The following PRKCB variants were observed in gnomAD, a reference collection of about 807,000 sequenced individuals.
The protein encoded by PRKCB is protein kinase C beta type.
A neutral mutation model predicts 81.5 loss-of-function variants in PRKCB; 13 were observed. The ratio of observed to expected loss-of-function variants is 0.16; its 90% CI spans 0.10 to 0.25. PRKCB has a LOEUF of 0.25. Ranked by LOEUF, PRKCB falls within the 10% of genes least tolerant of loss-of-function variation. The pLI is 1.00. For synonymous variants in PRKCB, 335 were observed against 321.4 expected (o/e 1.04, Z -0.45); for missense variants, 509 against 875.7 (o/e 0.58, Z 5.29).
chr16:24,096,971 C>CTTTCCT (rs1331495419), intron 7 of PRKCB, among the ~76,000 whole-genome samples: 1 of 149,750 alleles, frequency 6.7e-6, no homozygotes, highest in African/African-American at 2.5e-5. Flanking sequence ...ACACACACAT[C>CTTTCCT]TTTCCTTTCC....
intron 2 of PRKCB, among the ~76,000 whole-genome samples, chr16:23,886,466 G>A (rs1377013817): frequency 7.6e-6 from 1 of 132,352 alleles, no homozygotes. Flanking sequence ...AGGCTGGAGT[G>A]CAATGGCATG....
rs1402115039 is a variant in PRKCB, at chr16:24,219,814, C to A, written c.*4998C>A. ...ATACAATGTGAAATGAAAGCCAGTG[C>A]GTGGAGTGCAGCTGCTAAAAATTTT... On this transcript the variant is annotated 3_prime_UTR_variant, in exon 17 of 17. Transcript: ENST00000643927. 6 of 1,424,688 alleles carry A rather than the reference C, an allele frequency of 4.2e-6. No individual in the cohort carries two copies. The highest frequency in any genetic ancestry group is 4.6e-6 in the Non-Finnish European group (5 of 1,089,900). The allele number at this position is 1,424,688 out of a possible 1,614,324, so 88.3% of individuals were successfully genotyped here.
rs528162433 is a variant in PRKCB at position 24,052,085 on chromosome 16, A to G, written c.529+16538A>G. ...GCGAGACTCCGTCTCAAAAAAAAAA[A>G]AAAAGACATAAAATTAATAGACCTT... On this transcript the variant is annotated intron_variant, in intron 5 of 16. Coordinates refer to ENST00000643927, the MANE Select transcript of PRKCB (RefSeq NM_002738.7). 1.6e-3 allele frequency among the ~76,000 whole-genome samples: 251 copies of G among 152,268 alleles called. 4 individuals are homozygous for G. The highest frequency in any genetic ancestry group is 5.8e-3 in the African/African-American group (240 of 41,548).
chr16:24,021,585 C>T (rs563162038), intron 3 of PRKCB, among the ~76,000 whole-genome samples: 152 of 151,920 alleles, frequency 1.0e-3, no homozygotes, highest in Non-Finnish European at 1.9e-3. Context: ...CTATAACCCC[C>T]GTGTTAGGTG....
intron 3 of PRKCB, among the ~76,000 whole-genome samples, chr16:24,010,891 C>T (rs1965194512): frequency 6.6e-6 from 1 of 151,948 alleles, no homozygotes; most frequent in African/African-American, 2.4e-5. Flanking sequence ...CTTTTTGATA[C>T]AAGGTCTCAC....
At chr16:24,108,118 T>C (rs981608726) in intron 7 of PRKCB, among the ~76,000 whole-genome samples, 1 of 151,854 alleles carries the variant, frequency 6.6e-6, no homozygotes, top group African/African-American at 2.4e-5. Flanking sequence ...CACCATCTAC[T>C]TGCACGTGCA....
rs56671761 is a variant in PRKCB, at chr16:24,168,541, CTTTTTTTTT to C, written c.1240-3708_1240-3700del. 1.3e-3 allele frequency among the ~76,000 whole-genome samples: 100 copies of C among 76,394 alleles called. 1 individual carries two copies. The highest frequency in any genetic ancestry group is 8.5e-3 in the Middle Eastern group (1 of 118). 50.1% of individuals were successfully genotyped at this position (76,394 alleles called of 152,430 possible). A position where few individuals can be genotyped will look rare whatever the true frequency, so the allele number is the denominator to read the frequency against. On this transcript the variant is annotated intron_variant, in intron 10 of 16. Coordinates refer to ENST00000643927, the MANE Select transcript of PRKCB (RefSeq NM_002738.7). ...TTCATTATTTTTCTTTCTTCTTCTA[CTTTTTTTTT>C]TTTTTTTTTTTTTTTTTTTTGAGAC... is the stretch of plus-strand genomic sequence containing the variant.
chr16:23,975,895 G>T (rs1314467636), intron 2 of PRKCB, among the ~76,000 whole-genome samples: 3 of 152,216 alleles, frequency 2.0e-5, no homozygotes, highest in Non-Finnish European at 4.4e-5. Context: ...TTTAGGAAAA[G>T]AGGCATTTAT....
At chr16:24,188,904 G>A (rs1967746147) in intron 15 of PRKCB, among the ~76,000 whole-genome samples, 1 of 152,216 alleles carries the variant, frequency 6.6e-6, no homozygotes, top group Non-Finnish European at 1.5e-5. Flanking sequence ...AATGGGTAAT[G>A]GCCGGGAAGC....
At position 24,154,877 on chromosome 16, in the gene PRKCB, T is replaced by G; in HGVS notation, c.1239+20T>G. 1 of 1,609,012 alleles carries G rather than the reference T, an allele frequency of 6.2e-7. No individual in the cohort carries two copies. Among genetic ancestry groups the G allele is most frequent in the South Asian group, 1.1e-5 (1 of 90,128 alleles). On this transcript the variant is annotated intron_variant, in intron 10 of 16. Transcript: ENST00000643927. The stretch of plus-strand genomic sequence containing the variant: ...ACCATGGTAACTTGTCCCATGGCCC[T>G]GGGTATTCCACCTCCAGGGCTTCAC...
intron 3 of PRKCB, among the ~76,000 whole-genome samples, chr16:24,021,026 TTCTTTCTTTC>T (rs1965363891): frequency 7.1e-6 from 1 of 139,968 alleles, no homozygotes; most frequent in African/African-American, 2.7e-5. Flanking sequence ...CTTTCTTTCT[TTCTTTCTTTC>T]TTTCTCTTTC....
intron 3 of PRKCB, among the ~76,000 whole-genome samples, chr16:24,017,500 A>G (rs1288410640): frequency 2.0e-5 from 3 of 146,938 alleles, no homozygotes; most frequent in Admixed American, 6.7e-5. Context: ...ACACGCAGGC[A>G]CACACACACA....
chr16:23,867,161 T>C (rs1387471854), intron 2 of PRKCB, among the ~76,000 whole-genome samples: 1 of 152,006 alleles, frequency 6.6e-6, no homozygotes, highest in Non-Finnish European at 1.5e-5. Context: ...AGTCTCACTC[T>C]GTCGCCCAGG....
At position 24,032,136 on chromosome 16, in the gene PRKCB, G is replaced by C. The variant is rs949678733; in HGVS notation, c.289G>C (p.Asp97His). ...CTTCTGTTGTTTCTCTTGGCTCCAG[G>C]ACCCCCGCAGCAAACACAAGTTTAA... is the stretch of plus-strand genomic sequence containing the variant. ...PGADKGPASD[D>H]PRSKHKFKIH... The change falls in exon 4 of 17, where the codon GAC (aspartate) becomes CAC (histidine). Residue 97 changes from aspartate (D) to histidine (H), a missense_variant and splice_region_variant. Around this residue, in one of 6 missense-constraint regions of PRKCB, gnomAD observed 184 missense variants for 362.9 expected, o/e 0.51. Coordinates refer to ENST00000643927, the MANE Select transcript of PRKCB (RefSeq NM_002738.7). 1.2e-6 allele frequency: 2 copies of C among 1,610,574 alleles called. No homozygotes were observed. The highest frequency in any genetic ancestry group is 1.7e-6 in the Non-Finnish European group (2 of 1,177,132).
At chr16:23,921,480 T>C (rs578047119) in intron 2 of PRKCB, among the ~76,000 whole-genome samples, 10 of 152,020 alleles carry the variant, frequency 6.6e-5, no homozygotes, top group Non-Finnish European at 1.3e-4. Context: ...TTATAGAAAA[T>C]GGGAAGAAAT....
chr16:23,858,099 T>G (rs563079925), intron 2 of PRKCB, among the ~76,000 whole-genome samples: 30 of 117,344 alleles, frequency 2.6e-4, no homozygotes, highest in Non-Finnish European at 4.0e-4. Flanking sequence ...ATGATGAGGA[T>G]GATGATGATG....
intron 2 of PRKCB, among the ~76,000 whole-genome samples, chr16:23,971,696 T>C (rs1964559244): frequency 6.6e-6 from 1 of 152,182 alleles, no homozygotes; most frequent in Non-Finnish European, 1.5e-5. Flanking sequence ...CCCTGTTACG[T>C]CATTTCATGG....
chr16:24,173,042 G>C (rs1967468521), intron 11 of PRKCB, among the ~76,000 whole-genome samples: 1 of 152,114 alleles, frequency 6.6e-6, no homozygotes, highest in Non-Finnish European at 1.5e-5. Context: ...GTAAGAAGCA[G>C]TTCCCAAATT....
At chr16:24,158,637 T>A (rs1028076534) in intron 10 of PRKCB, among the ~76,000 whole-genome samples, 11 of 151,768 alleles carry the variant, frequency 7.2e-5, no homozygotes, top group African/African-American at 2.7e-4. Context: ...TGTGTGTGTA[T>A]GTGTATGTGT....
Sources: allele counts gnomAD v4.1 joint callset (sites outside exome capture counted in the v4.1 genomes callset), GRCh38; gene constraint gnomAD v4.1.1; regional missense constraint gnomAD v4.1.1; transcripts MANE v1.5; gene names NCBI Gene and HGNC (gene_info 2026-07-23, HGNC 2026-07-21).